Variants in EYS observed in about 807,000 individuals in gnomAD.
EYS encodes protein eyes shut homolog.
Under a neutral mutation model 282.1 loss-of-function variants are expected in EYS, and 250 were observed. The ratio of observed to expected loss-of-function variants is 0.89; its 90% CI spans 0.80 to 0.98. The LOEUF is 0.98. EYS is among the 50% of genes least tolerant of loss of function. The pLI is 0.00. For synonymous variants in EYS, 1,355 were observed against 1,282.9 expected (o/e 1.06, Z -1.20); for missense variants, 4,016 against 3,709.0 (o/e 1.08, Z -2.15).
At position 64,445,613 on chromosome 6, in the gene EYS, G is replaced by T. The variant is rs533880244; in HGVS notation, c.5645-6261C>A. Among the ~76,000 whole-genome samples the T allele has an allele frequency of 7.2e-5, 11 of 152,282 alleles. No homozygotes were observed. The South Asian group carries it at 2.1e-3, about 29-fold the overall frequency. ...TGTATGTTTATGGAAAAGCTTAACTGACTTCTCATAAAATACCTAGATTAC... is the reference window on the plus strand; with the variant it reads ...TGTATGTTTATGGAAAAGCTTAACTTACTTCTCATAAAATACCTAGATTAC... On this transcript the variant is annotated intron_variant, in intron 26 of 42. Transcript: ENST00000503581.
chr6:65,598,242 C>G (rs1268200047), intron 2 of EYS, among the ~76,000 whole-genome samples: 1 of 84,622 alleles, frequency 1.2e-5, no homozygotes, highest in Non-Finnish European at 2.2e-5. Flanking sequence ...CCACCCACCC[C>G]CCCCCCAAAA....
intron 31 of EYS, among the ~76,000 whole-genome samples, chr6:64,201,647 C>T (rs1765461918): frequency 6.6e-6 from 1 of 152,044 alleles, no homozygotes; most frequent in Non-Finnish European, 1.5e-5. Flanking sequence ...ATAGATGTTA[C>T]ACCTATCTAA....
chr6:64,287,474 A>G (rs192984858), intron 30 of EYS, among the ~76,000 whole-genome samples: 97 of 152,290 alleles, frequency 6.4e-4, no homozygotes, highest in African/African-American at 2.1e-3. Flanking sequence ...TTGCTAACCA[A>G]TGCAGTGAAT....
chr6:65,381,214 C>A (rs985152637), intron 8 of EYS, among the ~76,000 whole-genome samples: 1 of 152,082 alleles, frequency 6.6e-6, no homozygotes, highest in Non-Finnish European at 1.5e-5. Context: ...TTGGGACCAA[C>A]CCAAATGCCC....
chr6:64,550,839 C>A (rs1372930013), intron 26 of EYS, among the ~76,000 whole-genome samples: 2 of 152,080 alleles, frequency 1.3e-5, no homozygotes, highest in African/African-American at 4.8e-5. Context: ...AGAGCCAAAT[C>A]ATGAGTGAAC....
chr6:64,796,782 C>T (rs190925812), intron 22 of EYS, among the ~76,000 whole-genome samples: 37 of 152,218 alleles, frequency 2.4e-4, no homozygotes, highest in African/African-American at 7.9e-4. Context: ...TGTTCTTTTG[C>T]ATATCCTAGA....
At chr6:65,347,873 C>T (rs1770460268) in intron 9 of EYS, among the ~76,000 whole-genome samples, 2 of 151,156 alleles carry the variant, frequency 1.3e-5, no homozygotes, top group Non-Finnish European at 3.0e-5. Flanking sequence ...CACTTCCATC[C>T]ACCTCACTAT....
intron 26 of EYS, among the ~76,000 whole-genome samples, chr6:64,482,808 T>A (rs998004527): frequency 6.6e-6 from 1 of 151,676 alleles, no homozygotes; most frequent in Non-Finnish European, 1.5e-5. Flanking sequence ...TAGCTAACAA[T>A]TTTTTTACCT....
At chr6:65,282,770 C>T (rs551215118) in intron 12 of EYS, among the ~76,000 whole-genome samples, 11 of 151,884 alleles carry the variant, frequency 7.2e-5, no homozygotes, top group African/African-American at 2.4e-4. Context: ...AGGTACAATG[C>T]TTTTGTTAGT....
chr6:64,725,756 T>C (rs1443983165), intron 22 of EYS, among the ~76,000 whole-genome samples: 1 of 152,040 alleles, frequency 6.6e-6, no homozygotes, highest in Non-Finnish European at 1.5e-5. Flanking sequence ...TCATTTTATA[T>C]CCATGTCTTA....
chr6:65,237,221 C>G (rs1402630362), intron 12 of EYS, among the ~76,000 whole-genome samples: 2 of 152,142 alleles, frequency 1.3e-5, no homozygotes, highest in Non-Finnish European at 2.9e-5. Context: ...ACTTTGCTCA[C>G]TATAACTGTT....
intron 13 of EYS, among the ~76,000 whole-genome samples, chr6:65,033,836 C>T (rs1429895005): frequency 6.6e-6 from 1 of 152,138 alleles, no homozygotes; most frequent in Non-Finnish European, 1.5e-5. Flanking sequence ...AGAAAAAGGT[C>T]ACTCTTCTTT....
chr6:65,279,686 AGTACT>A (rs1231249617), intron 12 of EYS, among the ~76,000 whole-genome samples: 1 of 152,214 alleles, frequency 6.6e-6, no homozygotes, highest in Admixed American at 6.5e-5. Flanking sequence ...TTTTATTTTA[AGTACT>A]CATCAAGCAT....
chr6:63,865,624 G>A lies in EYS; in HGVS notation c.7056-1266C>T, dbSNP rs574320195. Among the ~76,000 whole-genome samples, 3 of 152,188 alleles carry A rather than the reference G, an allele frequency of 2.0e-5. No individual in the cohort carries two copies. The South Asian group carries it at 6.2e-4, about 32-fold the overall frequency. On this transcript the variant is annotated intron_variant, in intron 35 of 42. Transcript: ENST00000503581. Reference sequence around the variant, plus strand: ...AACTAACATATTTTTATGTTTTTATGACACAGCCTCCCAGTCTAGTTGTAG... The same window carrying A: ...AACTAACATATTTTTATGTTTTTATAACACAGCCTCCCAGTCTAGTTGTAG...
intron 35 of EYS, among the ~76,000 whole-genome samples, chr6:63,968,707 C>G (rs544268032): frequency 1.2e-3 from 184 of 152,252 alleles, no homozygotes; most frequent in Non-Finnish European, 2.0e-3. Context: ...GCCAGATGAC[C>G]CTTGATAAAC....
intron 19 of EYS, among the ~76,000 whole-genome samples, chr6:64,882,187 T>C (rs1766946712): frequency 6.6e-6 from 1 of 151,708 alleles, no homozygotes; most frequent in East Asian, 1.9e-4. Context: ...TCTTTCTCCA[T>C]TGCGTCCAGA....
intron 26 of EYS, among the ~76,000 whole-genome samples, chr6:64,505,208 T>A (rs1032993474): frequency 6.6e-6 from 1 of 152,220 alleles, no homozygotes; most frequent in African/African-American, 2.4e-5. Context: ...AACTTTTTCC[T>A]TTTCCTGAAG....
intron 13 of EYS, among the ~76,000 whole-genome samples, chr6:65,034,700 T>G (rs1346334972): frequency 1.3e-5 from 2 of 152,138 alleles, no homozygotes; most frequent in East Asian, 3.9e-4. Context: ...CTACTAATCA[T>G]GCATAATTGT....
intron 19 of EYS, among the ~76,000 whole-genome samples, chr6:64,873,230 A>G (rs555968704): frequency 5.7e-4 from 87 of 152,130 alleles, no homozygotes; most frequent in Admixed American, 1.8e-3. Flanking sequence ...TGTGCAGGGA[A>G]ACTCCCATTT....
Sources: allele counts gnomAD v4.1 joint callset (sites outside exome capture counted in the v4.1 genomes callset), GRCh38; gene constraint gnomAD v4.1.1; transcripts MANE v1.5; gene names NCBI Gene and HGNC (gene_info 2026-07-23, HGNC 2026-07-21).